Variants in NFATC2IP observed in about 807,000 individuals in gnomAD.
NFATC2IP encodes NFATC2-interacting protein.
In NFATC2IP, 25 loss-of-function variants were observed where a neutral mutation model predicts 40.2. The observed-to-expected ratio is 0.62, with a 90% CI of 0.45 to 0.87. NFATC2IP has a LOEUF of 0.87. Among genes scored for constraint, NFATC2IP ranks in the 40% least tolerant of loss-of-function variants. The pLI, the probability that NFATC2IP is intolerant of heterozygous loss-of-function variation, is 0.00. For synonymous variants in NFATC2IP, 241 were observed against 236.3 expected, an observed-to-expected ratio of 1.02 and a Z score of -0.18; for missense variants, 553 against 555.6, an observed-to-expected ratio of 1.00 and a Z score of 0.05.
chr16:28,954,194 C>T (rs1964995542), intron 2 of NFATC2IP, among the ~76,000 whole-genome samples: 1 of 152,044 alleles, frequency 6.6e-6, no homozygotes, highest in Non-Finnish European at 1.5e-5. Flanking sequence ...CAAAATTGTC[C>T]CTGGTTCAGA....
Position 28,960,139 on chromosome 16 carries a change from C to T in NFATC2IP, c.1101+1039C>T, listed in dbSNP as rs548532609. On this transcript the variant is annotated intron_variant, in intron 7 of 7. Coordinates refer to ENST00000320805, the MANE Select transcript of NFATC2IP (RefSeq NM_032815.4). ...TTCTCCATGTGTCTCTGTCTGTGTT[C>T]GTCTCTCTTCTTGGAAAGACATAGG... 7.9e-5 allele frequency among the ~76,000 whole-genome samples: 12 copies of T among 152,214 alleles called. No homozygotes were observed. In the East Asian group the frequency reaches 1.5e-3, roughly 20 times the overall value.
intron 2 of NFATC2IP, 63 bp downstream of exon 2, chr16:28,952,267 G>A (rs772101199): frequency 2.5e-6 from 4 of 1,606,602 alleles, no homozygotes; most frequent in East Asian, 2.2e-5. Context: ...AATTCCTGGG[G>A]TTTATATTCC....
At position 28,964,025 on chromosome 16, in the gene NFATC2IP, GC is replaced by G; in HGVS notation, c.*164del. ...CCTCTCCTGTTGACCCTGGTTTAGAGCCGTTAACCACTTGGTGAGTTATGTG... is the reference window on the plus strand; with the variant it reads ...CCTCTCCTGTTGACCCTGGTTTAGAGCGTTAACCACTTGGTGAGTTATGTG... On this transcript the variant is annotated 3_prime_UTR_variant, in exon 8 of 8. Transcript: ENST00000320805. 2 of 662,626 alleles carry G rather than the reference GC, an allele frequency of 3.0e-6. No individual in the cohort carries two copies. Among genetic ancestry groups the G allele is most frequent in the Non-Finnish European group, 5.1e-6 (2 of 393,624 alleles). The allele number at this position is 662,626 out of a possible 1,614,324, so 41.0% of individuals were successfully genotyped here. A position where few individuals can be genotyped will look rare whatever the true frequency, so the allele number is the denominator to read the frequency against.
Position 28,954,672 on chromosome 16 carries a change from A to G in NFATC2IP, c.568A>G (p.Thr190Ala), listed in dbSNP as rs71387633. ...RTKDKEEKKK[T>A]EFLDLDNSPL... The stretch of plus-strand genomic sequence containing the variant: ...TAAGGATAAAGAAGAGAAGAAAAAG[A>G]CAGAGTTTCTGTGAGTGAGGCCAGG... The change falls in exon 3 of 8, where the codon ACA (threonine) becomes GCA (alanine). Residue 190 changes from threonine (T) to alanine (A), a missense_variant. Transcript: ENST00000320805. 2 of 1,611,734 alleles carry G rather than the reference A, an allele frequency of 1.2e-6. No homozygotes were observed. The highest frequency in any genetic ancestry group is 1.7e-6 in the Non-Finnish European group (2 of 1,178,056).
chr16:28,963,747 A>G lies in NFATC2IP; in HGVS notation c.1144A>G (p.Met382Val), dbSNP rs1965113709. 1 of 1,614,018 alleles carries G rather than the reference A, an allele frequency of 6.2e-7. No individual in the cohort carries two copies. The highest frequency in any genetic ancestry group is 1.3e-5 in the African/African-American group (1 of 75,056). The stretch of plus-strand genomic sequence containing the variant: ...CCTCATGTCCCACTATGAGGAGGCC[A>G]TGGGACTGTCGGGACGGAAGCTCTC... The part of the protein sequence containing the change: ...KTLMSHYEEA[M>V]GLSGRKLSFF... The change falls in exon 8 of 8, where the codon ATG becomes GTG. Residue 382 changes from methionine (M) to valine (V), a missense_variant. Coordinates refer to ENST00000320805, the MANE Select transcript of NFATC2IP (RefSeq NM_032815.4).
In NFATC2IP at chr16:28,951,264, CG is replaced by C. The variant is rs530733073; in HGVS notation, c.256del (p.Asp86IlefsTer59). On this transcript the variant is annotated frameshift_variant, in exon 1 of 8. Transcript: ENST00000320805. LOFTEE classifies it high-confidence loss of function. Reference protein sequence around the residue: ...PPEPPGPVASRDNSNSDSEGE... With the variant: ...PPEPPGPVASXDNSNSDSEGE... ...GGAGCCCCCGGGGCCGGTCGCGTCC[CG>C]GGATAACAGCAACAGTGACAGCGAA... 6.8e-7 allele frequency: 1 copy of C among 1,479,524 alleles called. No homozygotes were observed. Among genetic ancestry groups the C allele is most frequent in the African/African-American group, 1.4e-5 (1 of 69,246 alleles). 91.6% of individuals were successfully genotyped at this position (1,479,524 alleles called of 1,614,324 possible). A position where few individuals can be genotyped will look rare whatever the true frequency, so the allele number is the denominator to read the frequency against.
At chr16:28,953,932 A>T (rs1373817004) in intron 2 of NFATC2IP, among the ~76,000 whole-genome samples, 5 of 85,592 alleles carry the variant, frequency 5.8e-5, no homozygotes, top group Non-Finnish European at 1.6e-4. Flanking sequence ...AAAAAAAAAG[A>T]AAAACGAAAT....
chr16:28,953,902 A>T (rs1208828520), intron 2 of NFATC2IP, among the ~76,000 whole-genome samples: 1 of 150,086 alleles, frequency 6.7e-6, no homozygotes, highest in African/African-American at 2.4e-5. Flanking sequence ...TGGGTGACAC[A>T]GTAGGACCTG....
Position 28,956,277 on chromosome 16 carries a change from C to T in NFATC2IP, c.786C>T (p.Pro262=), listed in dbSNP as rs139412059. The T allele has an allele frequency of 2.5e-6, 4 of 1,613,982 alleles. No individual in the cohort carries two copies. In the African/African-American group the frequency reaches 5.3e-5, roughly 22 times the overall value. ...AAGGGCCCACCCTCCCAGAGACCCC[C>T]CGACTCTTCCCACTCAAAATCCGTT... The part of the protein sequence containing the change: ...LVEGPTLPET[P]RLFPLKIRCR... The change falls in exon 5 of 8, where the codon CCC becomes CCT. Residue 262 remains proline (P), a synonymous_variant. Coordinates refer to ENST00000320805, the MANE Select transcript of NFATC2IP (RefSeq NM_032815.4).
intron 2 of NFATC2IP, chr16:28,952,426 C>T (rs1964977697): frequency 3.1e-6 from 2 of 646,534 alleles, no homozygotes; most frequent in East Asian, 6.5e-5. Context: ...ATTCTGTAGT[C>T]CTGGGCGGGG....
intron 1 of NFATC2IP, 134 bp from the exon 2 acceptor site, chr16:28,951,998 C>T: frequency 8.6e-7 from 1 of 1,156,284 alleles, no homozygotes; most frequent in East Asian, 2.4e-5. Context: ...TCTAGGTTGC[C>T]AGGAGAGGGC....
Position 28,951,064 on chromosome 16 carries a change from G to C in NFATC2IP, c.53G>C (p.Gly18Ala). 1 of 1,543,384 alleles carries C rather than the reference G, an allele frequency of 6.5e-7. No individual in the cohort carries two copies. Among genetic ancestry groups the C allele is most frequent in the Non-Finnish European group, 8.7e-7 (1 of 1,144,936 alleles). ...CGCTGGTCCGGAGGTAGCGGTGCCG[G>C]CCGAGGGGGTCGGGGCGGCTGGGGC... is the stretch of plus-strand genomic sequence containing the variant. ...RGRWSGGSGA[G>A]RGGRGGWGGR... Residue 18 changes from glycine to alanine, a missense_variant, in exon 1 of 8, where the codon GGC becomes GCC. Transcript: ENST00000320805.
chr16:28,961,325 GAAAAAAA>G lies in NFATC2IP; in HGVS notation c.1101+2248_1101+2254del, dbSNP rs138576594. On this transcript the variant is annotated intron_variant, in intron 7 of 7. Transcript: ENST00000320805. ...CCTGGGAGACAGCAAGACCCTATCT[GAAAAAAA>G]AAAAAAAAAAAAAAAAAAAAAATTA... Among the ~76,000 whole-genome samples, 30 of 52,254 alleles carry G rather than the reference GAAAAAAA, an allele frequency of 5.7e-4. No individual in the cohort carries two copies. The South Asian group carries it at 0.015, about 26-fold the overall frequency. The allele number at this position is 52,254 out of a possible 152,430, so 34.3% of individuals were successfully genotyped here.
At position 28,951,164 on chromosome 16, in the gene NFATC2IP, C is replaced by A. The variant is rs1215806718; in HGVS notation, c.153C>A (p.Val51=). The A allele has an allele frequency of 1.3e-6, 2 of 1,544,026 alleles. No homozygotes were observed. Among genetic ancestry groups the A allele is most frequent in the Admixed American group, 4.0e-5 (2 of 50,604 alleles). ...TGGACGTAGTGTCTGTGGACTTGGT[C>A]ACCGACAGCGATGAGGAAATTCTGG... ...GTLDVVSVDL[V]TDSDEEILEV... The change falls in exon 1 of 8, where the codon GTC becomes GTA. Residue 51 remains valine, a synonymous_variant. Coordinates refer to ENST00000320805, the MANE Select transcript of NFATC2IP (RefSeq NM_032815.4).
intron 7 of NFATC2IP, among the ~76,000 whole-genome samples, chr16:28,963,375 T>C (rs1253502387): frequency 6.6e-6 from 1 of 152,130 alleles, no homozygotes; most frequent in Admixed American, 6.5e-5. Flanking sequence ...TCTTAGTCAT[T>C]GGTACACACT....
intron 7 of NFATC2IP, among the ~76,000 whole-genome samples, chr16:28,963,207 T>C (rs1965106408): frequency 6.6e-6 from 1 of 152,174 alleles, no homozygotes; most frequent in Non-Finnish European, 1.5e-5. Context: ...AAAGGCCCCG[T>C]CTCCAAATCA....
intron 2 of NFATC2IP, 99 bp from the exon 3 acceptor site, chr16:28,954,466 T>C: frequency 1.3e-6 from 1 of 741,746 alleles, no homozygotes; most frequent in South Asian, 1.7e-5. Flanking sequence ...GGTCTCCTCC[T>C]TTCCTAGGAC....
intron 7 of NFATC2IP, among the ~76,000 whole-genome samples, chr16:28,960,524 C>T (rs1965073629): frequency 1.3e-5 from 2 of 152,160 alleles, no homozygotes; most frequent in South Asian, 2.1e-4. Flanking sequence ...ATGGTCCATT[C>T]TGGGACAAAA....
At chr16:28,962,855 C>T (rs1160814955) in intron 7 of NFATC2IP, among the ~76,000 whole-genome samples, 1 of 152,170 alleles carries the variant, frequency 6.6e-6, no homozygotes, top group Non-Finnish European at 1.5e-5. Context: ...CGTGTGTTCT[C>T]CCCTCATGTC....
Sources: allele counts gnomAD v4.1 joint callset (sites outside exome capture counted in the v4.1 genomes callset), GRCh38; gene constraint gnomAD v4.1.1; transcripts MANE v1.5; gene names NCBI Gene and HGNC (gene_info 2026-07-23, HGNC 2026-07-21).